MEI4: variants seen among roughly 807,000 people sequenced by gnomAD.
MEI4 encodes the protein meiotic double-stranded break formation protein 4, also known as meiosis-specific protein MEI4.
Under a neutral mutation model 31.4 loss-of-function variants are expected in MEI4, and 27 were observed. The observed-to-expected ratio is 0.86, with a 90% CI of 0.63 to 1.19. The LOEUF (loss-of-function observed/expected upper bound fraction) is 1.19. MEI4 is among the 50% of genes most tolerant of loss of function. MEI4 has a pLI of 0.00. For missense variants in MEI4, 329 were observed against 398.9 expected (o/e 0.82, Z 1.49); for synonymous variants, 122 against 145.4 (o/e 0.84, Z 1.16).
chr6:77,865,515 C>G (rs1771001035), intron 4 of MEI4, among the ~76,000 whole-genome samples: 1 of 152,096 alleles, frequency 6.6e-6, no homozygotes, highest in East Asian at 1.9e-4. Context: ...TACACTCTCC[C>G]AAGACTAAAC....
At chr6:77,827,082 C>T (rs1405789491) in intron 3 of MEI4, among the ~76,000 whole-genome samples, 3 of 152,140 alleles carry the variant, frequency 2.0e-5, no homozygotes, top group Non-Finnish European at 4.4e-5. Context: ...CTACATAGGC[C>T]GGGCGCGGTG....
At chr6:77,706,024 G>A (rs1049905279) in intron 2 of MEI4, among the ~76,000 whole-genome samples, 2 of 152,070 alleles carry the variant, frequency 1.3e-5, no homozygotes, top group Non-Finnish European at 2.9e-5. Flanking sequence ...GGAACACGAA[G>A]GGTCTCAGAA....
chr6:77,736,677 G>A lies in MEI4; in HGVS notation c.233-24453G>A, dbSNP rs530803331. On this transcript the variant is annotated intron_variant, in intron 2 of 4. Coordinates refer to ENST00000684080, the MANE Select transcript of MEI4 (RefSeq NM_001322247.2). Reference sequence around the variant, plus strand: ...CTCCTACCCCCTTAATTCAGTATTTGTGAGGTACAAAACAATGTAGAAAAT... The same window carrying A: ...CTCCTACCCCCTTAATTCAGTATTTATGAGGTACAAAACAATGTAGAAAAT... Among the ~76,000 whole-genome samples the A allele has an allele frequency of 2.6e-5, 4 of 152,118 alleles. No individual in the cohort carries two copies. The East Asian group carries it at 7.8e-4, about 30-fold the overall frequency.
intron 4 of MEI4, among the ~76,000 whole-genome samples, chr6:77,890,448 A>G (rs928511801): frequency 6.6e-6 from 1 of 152,160 alleles, no homozygotes; most frequent in African/African-American, 2.4e-5. Context: ...GAACAGGCAT[A>G]TTTACCCAAA....
intron 4 of MEI4, among the ~76,000 whole-genome samples, chr6:77,840,434 A>G (rs914236559): frequency 2.0e-5 from 3 of 152,138 alleles, no homozygotes; most frequent in Non-Finnish European, 2.9e-5. Context: ...TGACAAAAGT[A>G]TATTTGAAAA....
intron 2 of MEI4, among the ~76,000 whole-genome samples, chr6:77,702,064 T>C (rs9352515): frequency 6.6e-6 from 1 of 151,904 alleles, no homozygotes; most frequent in Non-Finnish European, 1.5e-5. Context: ...TATAAGCATG[T>C]ATTCAGGAAA....
intron 2 of MEI4, among the ~76,000 whole-genome samples, chr6:77,753,546 A>C (rs772977932): frequency 6.6e-6 from 1 of 152,246 alleles, no homozygotes; most frequent in African/African-American, 2.4e-5. Flanking sequence ...CAAAACCACA[A>C]TGAGATATCA....
At chr6:77,918,855 A>G (rs1236214746) in intron 4 of MEI4, among the ~76,000 whole-genome samples, 1 of 152,068 alleles carries the variant, frequency 6.6e-6, no homozygotes, top group Non-Finnish European at 1.5e-5. Context: ...CCAGTTTTCA[A>G]AGAGAATGCT....
chr6:77,799,842 C>T lies in MEI4; in HGVS notation c.769-29089C>T, dbSNP rs1381849344. ...TATTTCTGAGGGCTCTGTTCTGGTT[C>T]CATTCGTCTATATCTCTGCTTTGGT... On this transcript the variant is annotated intron_variant, in intron 3 of 4. Coordinates refer to ENST00000684080, the MANE Select transcript of MEI4 (RefSeq NM_001322247.2). 2.6e-5 allele frequency among the ~76,000 whole-genome samples: 4 copies of T among 152,058 alleles called. No homozygotes were observed. In the East Asian group the frequency reaches 7.7e-4, roughly 29 times the overall value.
intron 4 of MEI4, among the ~76,000 whole-genome samples, chr6:77,913,802 G>C (rs1220519525): frequency 6.6e-6 from 1 of 151,268 alleles, no homozygotes; most frequent in Non-Finnish European, 1.5e-5. Context: ...TGGGAGGCAA[G>C]GCAGGCAGAT....
At chr6:77,773,664 A>C (rs945882102) in intron 3 of MEI4, among the ~76,000 whole-genome samples, 2 of 152,072 alleles carry the variant, frequency 1.3e-5, no homozygotes, top group Non-Finnish European at 2.9e-5. Flanking sequence ...AAATGGACAG[A>C]TTGGATTACA....
chr6:77,846,547 T>C (rs1185195937), intron 4 of MEI4, among the ~76,000 whole-genome samples: 1 of 152,178 alleles, frequency 6.6e-6, no homozygotes, highest in Non-Finnish European at 1.5e-5. Flanking sequence ...GTTTGTTTAA[T>C]TGGCTTTTTT....
At chr6:77,709,609 CTT>C (rs1227006105) in intron 2 of MEI4, among the ~76,000 whole-genome samples, 1 of 152,138 alleles carries the variant, frequency 6.6e-6, no homozygotes, top group Admixed American at 6.6e-5. Flanking sequence ...ACTTTTCTAA[CTT>C]ATTAATAAAA....
intron 2 of MEI4, among the ~76,000 whole-genome samples, chr6:77,700,520 A>G (rs1029488285): frequency 2.6e-5 from 4 of 152,116 alleles, no homozygotes; most frequent in Admixed American, 6.5e-5. Context: ...AGGAAAGGGA[A>G]CTCCCTGACC....
chr6:77,696,561 T>C (rs1265841243), intron 2 of MEI4, among the ~76,000 whole-genome samples: 1 of 151,740 alleles, frequency 6.6e-6, no homozygotes, highest in Non-Finnish European at 1.5e-5. Flanking sequence ...ATATGCTGGA[T>C]TACATTTATT....
At chr6:77,652,469 A>C (rs1768317384), upstream of MEI4, among the ~76,000 whole-genome samples, 1 of 152,178 alleles carries the variant, frequency 6.6e-6, no homozygotes, top group Admixed American at 6.5e-5. Context: ...CTTTTTTTAA[A>C]GCTGGGAGCA....
chr6:77,686,931 T>C (rs1769067272), intron 1 of MEI4, among the ~76,000 whole-genome samples: 1 of 145,610 alleles, frequency 6.9e-6, no homozygotes, highest in East Asian at 2.2e-4. Flanking sequence ...CTTTAGAATT[T>C]GAAGTTATAA....
intron 2 of MEI4, among the ~76,000 whole-genome samples, chr6:77,743,047 G>C (rs1221122599): frequency 6.6e-6 from 1 of 152,018 alleles, no homozygotes; most frequent in African/African-American, 2.4e-5. Flanking sequence ...TTTGAAGTCA[G>C]GTAGCGTGAT....
chr6:77,660,160 A>G (rs1768477450), intron 1 of MEI4, among the ~76,000 whole-genome samples: 5 of 152,094 alleles, frequency 3.3e-5, no homozygotes, highest in African/African-American at 1.2e-4. Flanking sequence ...GCACTGGAAG[A>G]AAGGGAAATG....
Sources: gnomAD v4.1 joint callset for allele counts (sites outside exome capture counted in the v4.1 genomes callset) on GRCh38, gnomAD v4.1.1 for gene constraint, MANE v1.5 for transcripts, NCBI Gene and HGNC (gene_info 2026-07-23, HGNC 2026-07-21) for gene names.